Variants in ADGRB3 observed in about 807,000 individuals in gnomAD.
ADGRB3 encodes the protein brain-specific angiogenesis inhibitor 3.
ADGRB3 carries 37 observed loss-of-function variants against 193.4 expected under a neutral mutation model. The observed-to-expected ratio is 0.19, with a 90% confidence interval of 0.15 to 0.25. The LOEUF (loss-of-function observed/expected upper bound fraction) is 0.25. Among genes scored for constraint, ADGRB3 ranks in the 10% least tolerant of loss-of-function variants. The pLI, the probability that ADGRB3 is intolerant of heterozygous loss-of-function variation, is 1.00. For missense variants in ADGRB3, 1,637 were observed against 1,852.9 expected, an observed-to-expected ratio of 0.88 and a Z score of 2.14; for synonymous variants, 690 against 644.2, an observed-to-expected ratio of 1.07 and a Z score of -1.08.
rs1293032334 is a variant in ADGRB3, at chr6:68,738,493, G to A, written c.757+99061G>A. 2.6e-5 allele frequency among the ~76,000 whole-genome samples: 4 copies of A among 152,234 alleles called. No individual in the cohort carries two copies. In the East Asian group the frequency reaches 7.7e-4, roughly 29 times the overall value. On this transcript the variant is annotated intron_variant, in intron 3 of 31. Transcript: ENST00000370598. ...GGGAGGCTATTTCTATAACCTAGGGGTGAAAATGACAGTGGACTGAACAAA... is the reference window on the plus strand; with the variant it reads ...GGGAGGCTATTTCTATAACCTAGGGATGAAAATGACAGTGGACTGAACAAA...
intron 10 of ADGRB3, among the ~76,000 whole-genome samples, chr6:68,983,371 G>A (rs1030942498): frequency 4.0e-5 from 6 of 151,028 alleles, no homozygotes; most frequent in African/African-American, 9.7e-5. Flanking sequence ...GTGTCTTCAC[G>A]GCCATACCAC....
At chr6:68,926,187 G>T (rs532451743) in intron 3 of ADGRB3, among the ~76,000 whole-genome samples, 2 of 152,188 alleles carry the variant, frequency 1.3e-5, no homozygotes, top group South Asian at 2.1e-4. Context: ...TTGAACTTCA[G>T]TTATGTCCAA....
intron 3 of ADGRB3, among the ~76,000 whole-genome samples, chr6:68,722,976 G>A (rs571206966): frequency 4.0e-5 from 6 of 151,720 alleles, no homozygotes; most frequent in Non-Finnish European, 8.8e-5. Context: ...GTACACTCTG[G>A]AGGGACACTG....
chr6:69,143,292 G>A (rs1452730580), intron 17 of ADGRB3, among the ~76,000 whole-genome samples: 2 of 151,730 alleles, frequency 1.3e-5, no homozygotes, highest in Non-Finnish European at 2.9e-5. Context: ...TTGATCTCTT[G>A]TCAGATGGAT....
intron 30 of ADGRB3, among the ~76,000 whole-genome samples, chr6:69,382,396 T>C (rs1769968329): frequency 6.6e-6 from 1 of 151,956 alleles, no homozygotes; most frequent in African/African-American, 2.4e-5. Context: ...TACAGCCAGC[T>C]AGGATTTTAG....
chr6:69,349,579 A>G (rs1769180088), intron 26 of ADGRB3, among the ~76,000 whole-genome samples: 1 of 152,200 alleles, frequency 6.6e-6, no homozygotes, highest in East Asian at 1.9e-4. Context: ...ATGAAATTGA[A>G]AAGTCTTTCA....
At chr6:69,192,848 GCTTA>G (rs1372450882) in intron 17 of ADGRB3, among the ~76,000 whole-genome samples, 3 of 152,094 alleles carry the variant, frequency 2.0e-5, no homozygotes, top group Admixed American at 1.3e-4. Context: ...CATATTTCCA[GCTTA>G]CTTAGAGCTT....
At chr6:68,693,882 C>CTA (rs946835243) in intron 3 of ADGRB3, among the ~76,000 whole-genome samples, 7 of 151,924 alleles carry the variant, frequency 4.6e-5, no homozygotes, top group Non-Finnish European at 1.0e-4. Flanking sequence ...CCATATTATT[C>CTA]TATATGAACC....
chr6:69,308,379 G>T (rs1768108539), intron 20 of ADGRB3, among the ~76,000 whole-genome samples: 1 of 151,364 alleles, frequency 6.6e-6, no homozygotes, highest in Admixed American at 6.6e-5. Flanking sequence ...CTAAGTTAAG[G>T]GAGATATGGA....
rs1771278661 is a variant in ADGRB3, at chr6:69,047,766, A to T, written c.2108-419A>T. On this transcript the variant is annotated intron_variant, in intron 13 of 31. Transcript: ENST00000370598. ...AGACAATGTTCAAATGAAAATGCAG[A>T]AAATTTCTTCTTAAGACAAAATTCA... is the stretch of plus-strand genomic sequence containing the variant. 3.3e-5 allele frequency among the ~76,000 whole-genome samples: 5 copies of T among 152,188 alleles called. No individual in the cohort carries two copies. The South Asian group carries it at 1.0e-3, about 32-fold the overall frequency.
At chr6:68,891,161 T>C (rs2150229137) in intron 3 of ADGRB3, among the ~76,000 whole-genome samples, 1 of 152,214 alleles carries the variant, frequency 6.6e-6, no homozygotes, top group South Asian at 2.1e-4. Flanking sequence ...GTTTTTAAAA[T>C]TATCAGATCT....
Position 68,770,913 on chromosome 6 carries a change from T to C in ADGRB3, c.757+131481T>C, listed in dbSNP as rs577100461. On this transcript the variant is annotated intron_variant, in intron 3 of 31. Coordinates refer to ENST00000370598, the MANE Select transcript of ADGRB3 (RefSeq NM_001704.3). ...TCCTCATTTATTCAGAAAATATTTA[T>C]GAGTTCCTTATTAGGCACTAAAAGT... 3.9e-5 allele frequency among the ~76,000 whole-genome samples: 6 copies of C among 152,244 alleles called. No homozygotes were observed. In the East Asian group the frequency reaches 9.7e-4, roughly 25 times the overall value.
chr6:68,774,297 A>C (rs1766695688), intron 3 of ADGRB3, among the ~76,000 whole-genome samples: 1 of 151,984 alleles, frequency 6.6e-6, no homozygotes, highest in South Asian at 2.1e-4. Context: ...ATTTGATTAA[A>C]TAATTTTAAT....
chr6:68,757,946 T>C (rs915867218), intron 3 of ADGRB3, among the ~76,000 whole-genome samples: 4 of 152,068 alleles, frequency 2.6e-5, no homozygotes, highest in African/African-American at 9.7e-5. Context: ...AAAGCTTTGA[T>C]CAGAAACTCC....
intron 8 of ADGRB3, among the ~76,000 whole-genome samples, chr6:68,967,598 A>G (rs1035556476): frequency 6.7e-6 from 1 of 149,874 alleles, no homozygotes; most frequent in African/African-American, 2.4e-5. Context: ...TAGAGGATCC[A>G]CCCCCCACCT....
chr6:69,332,448 AG>A, intron 23 of ADGRB3: 2 of 985,440 alleles, frequency 2.0e-6, no homozygotes, highest in Non-Finnish European at 2.4e-6. Context: ...ACACAGCATG[AG>A]GAATTTAAGC....
At chr6:69,022,458 GT>G (rs1383561023) in intron 13 of ADGRB3, among the ~76,000 whole-genome samples, 1 of 151,692 alleles carries the variant, frequency 6.6e-6, no homozygotes, top group African/African-American at 2.4e-5. Flanking sequence ...ATTTCAACTT[GT>G]TTTCTATACT....
intron 20 of ADGRB3, among the ~76,000 whole-genome samples, chr6:69,317,286 T>A (rs1289956076): frequency 6.6e-6 from 1 of 151,446 alleles, no homozygotes. Context: ...AGAATATTAA[T>A]CTCTGACATT....
At chr6:69,011,133 ATATG>A (rs767779589) in intron 11 of ADGRB3, among the ~76,000 whole-genome samples, 37 of 97,218 alleles carry the variant, frequency 3.8e-4, no homozygotes, top group African/African-American at 1.2e-3. Context: ...ATATACATAT[ATATG>A]TGTGTGTGTG....
Sources: allele counts gnomAD v4.1 joint callset (sites outside exome capture counted in the v4.1 genomes callset), GRCh38; gene constraint gnomAD v4.1.1; transcripts MANE v1.5; gene names NCBI Gene and HGNC (gene_info 2026-07-23, HGNC 2026-07-21).